The following PEX5L variants were observed in gnomAD, a reference collection of about 807,000 sequenced individuals.
PEX5L encodes peroxisomal biogenesis factor 5 like.
A neutral mutation model predicts 84.0 loss-of-function variants in PEX5L; 30 were observed. That is an observed-to-expected ratio of 0.36 (90% CI 0.27 to 0.48). The LOEUF (loss-of-function observed/expected upper bound fraction) is 0.48, where lower values mean the gene tolerates loss of function less well. Ranked by LOEUF, PEX5L falls within the 20% of genes least tolerant of loss-of-function variation. The pLI is 0.99. For synonymous variants in PEX5L, 270 were observed against 283.1 expected (o/e 0.95, Z 0.46); for missense variants, 533 against 754.6 (o/e 0.71, Z 3.44).
rs1718477278 is a variant in PEX5L, at chr3:179,800,276, A to T, written c.*1552T>A. 1 of 152,008 alleles carries T rather than the reference A, an allele frequency of 6.6e-6. No individual in the cohort carries two copies. The highest frequency in any genetic ancestry group is 2.4e-5 in the African/African-American group (1 of 41,404). 9.4% of individuals were successfully genotyped at this position (152,008 alleles called of 1,614,324 possible). A position where few individuals can be genotyped will look rare whatever the true frequency, so the allele number is the denominator to read the frequency against. Reference sequence around the variant, plus strand: ...GAGTCTTTTTTGTTGTTGTTGTTTTATTTTTTGTGGGTAGCTATAATCATG... The same window carrying T: ...GAGTCTTTTTTGTTGTTGTTGTTTTTTTTTTTGTGGGTAGCTATAATCATG... On this transcript the variant is annotated 3_prime_UTR_variant, in exon 15 of 15. Transcript: ENST00000467460.
chr3:179,888,299 C>T (rs1392687183), intron 3 of PEX5L: 1 of 398,452 alleles, frequency 2.5e-6, no homozygotes, highest in Admixed American at 3.1e-5. Context: ...TAAAAACACA[C>T]CCTCTACATT....
chr3:179,974,095 G>C, intron 1 of PEX5L: 1 of 985,572 alleles, frequency 1.0e-6, no homozygotes, highest in Non-Finnish European at 1.2e-6. Flanking sequence ...CCCAGGCAGG[G>C]ATCTTCAGCT....
intron 2 of PEX5L, chr3:179,902,698 A>G (rs1240211277): frequency 2.2e-6 from 1 of 456,516 alleles, no homozygotes; most frequent in Non-Finnish European, 4.4e-6. Context: ...TAAAATACTT[A>G]AAGTATGCAA....
At chr3:179,937,122 A>G (rs77954496) in intron 2 of PEX5L, among the ~76,000 whole-genome samples, 3,766 of 152,260 alleles carry the variant, frequency 0.025, 156 homozygotes, top group African/African-American at 0.087. Context: ...ACAAATGTAT[A>G]TAATTAGAGC....
chr3:179,898,458 C>G, intron 2 of PEX5L: 1 of 414,788 alleles, frequency 2.4e-6, no homozygotes. Flanking sequence ...TTCCCCTTTA[C>G]AGCTGACATA....
At chr3:179,943,347 G>T (rs1014774374) in intron 2 of PEX5L, among the ~76,000 whole-genome samples, 12 of 152,168 alleles carry the variant, frequency 7.9e-5, no homozygotes, top group Middle Eastern at 3.2e-3. Flanking sequence ...TGAGTGAATT[G>T]CTCATTTGTT....
At chr3:179,973,743 T>C in intron 1 of PEX5L, 1 of 985,324 alleles carries the variant, frequency 1.0e-6, no homozygotes, top group Admixed American at 6.1e-5. Context: ...TTATCTAATT[T>C]AGTAGTAAAT....
At chr3:179,848,535 A>C (rs559591656) in intron 8 of PEX5L, among the ~76,000 whole-genome samples, 1 of 145,986 alleles carries the variant, frequency 6.8e-6, no homozygotes, top group Non-Finnish European at 1.5e-5. Flanking sequence ...CCTCAGTGCC[A>C]GAGTGAAACC....
chr3:179,995,669 C>T (rs1458748152), intron 1 of PEX5L, among the ~76,000 whole-genome samples: 3 of 152,184 alleles, frequency 2.0e-5, no homozygotes, highest in African/African-American at 4.8e-5. Context: ...TTCTAACTCC[C>T]GGCTTCAGAA....
At chr3:179,955,917 T>C (rs1215768482) in intron 2 of PEX5L, among the ~76,000 whole-genome samples, 1 of 152,168 alleles carries the variant, frequency 6.6e-6, no homozygotes, top group Non-Finnish European at 1.5e-5. Context: ...ATTATGGATG[T>C]GTTCATTTTT....
At chr3:180,012,738 A>G (rs1373381038) in intron 1 of PEX5L, among the ~76,000 whole-genome samples, 1 of 152,178 alleles carries the variant, frequency 6.6e-6, no homozygotes, top group African/African-American at 2.4e-5. Flanking sequence ...TGAAATATAT[A>G]GCATACTTTT....
Position 179,799,242 on chromosome 3 carries a change from TTTA to T in PEX5L, c.*2583_*2585del, listed in dbSNP as rs1718146418. The T allele has an allele frequency of 6.6e-6, 1 of 152,144 alleles. No individual in the cohort carries two copies. Among genetic ancestry groups the T allele is most frequent in the South Asian group, 2.1e-4 (1 of 4,826 alleles). The allele number at this position is 152,144 out of a possible 1,614,324, so 9.4% of individuals were successfully genotyped here. On this transcript the variant is annotated 3_prime_UTR_variant, in exon 15 of 15. Coordinates refer to ENST00000467460, the MANE Select transcript of PEX5L (RefSeq NM_016559.3). ...CTGTCACTCATGTTTTAATAATGGT[TTTA>T]ACTTAATTTTATAAAAAATATTATT... is the stretch of plus-strand genomic sequence containing the variant.
chr3:179,817,503 C>T (rs1428436846), intron 9 of PEX5L, among the ~76,000 whole-genome samples: 1 of 152,080 alleles, frequency 6.6e-6, no homozygotes, highest in Non-Finnish European at 1.5e-5. Flanking sequence ...TACTTATTAC[C>T]TTAGGATAGA....
chr3:179,946,376 A>G (rs2109882314), intron 2 of PEX5L, among the ~76,000 whole-genome samples: 1 of 152,354 alleles, frequency 6.6e-6, no homozygotes, highest in East Asian at 1.9e-4. Flanking sequence ...TGCAGGACAC[A>G]GGGCAGGGTC....
At chr3:179,981,222 G>T (rs1337250912) in intron 1 of PEX5L, among the ~76,000 whole-genome samples, 1 of 152,094 alleles carries the variant, frequency 6.6e-6, no homozygotes, top group Middle Eastern at 3.2e-3. Flanking sequence ...TGGAGAGGAA[G>T]GCCAAGTCTT....
chr3:179,855,430 C>A (rs1560398586), intron 8 of PEX5L, among the ~76,000 whole-genome samples: 1 of 152,026 alleles, frequency 6.6e-6, no homozygotes, highest in South Asian at 2.1e-4. Context: ...ATCTTATATC[C>A]CACTGTAGTG....
At chr3:179,887,543 T>C (rs1578065298) in intron 4 of PEX5L, 130 bp downstream of exon 4, 11 of 678,724 alleles carry the variant, frequency 1.6e-5, no homozygotes, top group Middle Eastern at 3.1e-4. Flanking sequence ...TGCTAAATAG[T>C]ATACATTCTA....
chr3:179,834,280 C>G (rs1734189522), intron 8 of PEX5L, among the ~76,000 whole-genome samples: 1 of 152,238 alleles, frequency 6.6e-6, no homozygotes, highest in Admixed American at 6.5e-5. Context: ...AGGAGTGAGG[C>G]CGCCTGGAGC....
At chr3:179,830,590 C>T (rs1732474899) in intron 8 of PEX5L, among the ~76,000 whole-genome samples, 2 of 152,104 alleles carry the variant, frequency 1.3e-5, no homozygotes, top group African/African-American at 2.4e-5. Context: ...TCTGTTATAC[C>T]CACCAATGCC....
Sources: gnomAD v4.1 joint callset for allele counts (sites outside exome capture counted in the v4.1 genomes callset) on GRCh38, gnomAD v4.1.1 for gene constraint, MANE v1.5 for transcripts, NCBI Gene and HGNC (gene_info 2026-07-23, HGNC 2026-07-21) for gene names.